Variants in CFLAR observed in about 807,000 individuals in gnomAD.
The protein encoded by CFLAR is CASP8 and FADD-like apoptosis regulator.
In CFLAR, 14 loss-of-function variants were observed where a neutral mutation model predicts 51.1. The observed-to-expected ratio is 0.27, with a 90% CI of 0.18 to 0.43. The LOEUF (loss-of-function observed/expected upper bound fraction) is 0.43, where lower values mean the gene tolerates loss of function less well. Among genes scored for constraint, CFLAR ranks in the 20% least tolerant of loss-of-function variants. CFLAR has a pLI of 1.00. For missense variants in CFLAR, 390 were observed against 566.5 expected (o/e 0.69, Z 3.16); for synonymous variants, 210 against 211.6 (o/e 0.99, Z 0.06).
At chr2:201,156,069 G>A (rs1352336705) in intron 8 of CFLAR, among the ~76,000 whole-genome samples, 3 of 152,130 alleles carry the variant, frequency 2.0e-5, no homozygotes, top group Non-Finnish European at 4.4e-5. Context: ...TGTTTTATGC[G>A]TATTTATAAG....
At chr2:201,151,343 TC>T (rs1416325026) in intron 8 of CFLAR, 53 of 152,336 alleles carry the variant, frequency 3.5e-4, no homozygotes, top group African/African-American at 1.3e-3. Flanking sequence ...AGAGGATCGA[TC>T]ATTGTATTTC....
At chr2:201,144,620 T>C (rs544568162) in intron 5 of CFLAR, among the ~76,000 whole-genome samples, 81 of 152,298 alleles carry the variant, frequency 5.3e-4, no homozygotes, top group African/African-American at 1.9e-3. Flanking sequence ...AGCTAATAAG[T>C]GGCAGAATTA....
At chr2:201,125,812 TTA>T (rs1477569309) in intron 1 of CFLAR, among the ~76,000 whole-genome samples, 1 of 152,124 alleles carries the variant, frequency 6.6e-6, no homozygotes, top group Non-Finnish European at 1.5e-5. Context: ...TCAGATTGTG[TTA>T]TCTCTTCTCC....
chr2:201,166,419 C>T lies in CFLAR; in HGVS notation c.*2446C>T, dbSNP rs571135902. 19 of 158,762 alleles carry T rather than the reference C, an allele frequency of 1.2e-4. 2 individuals carry two copies. Among genetic ancestry groups the T allele is most frequent in the Middle Eastern group, 3.0e-3 (1 of 332 alleles). The allele number at this position is 158,762 out of a possible 1,614,324, so 9.8% of individuals were successfully genotyped here. A position where few individuals can be genotyped will look rare whatever the true frequency, so the allele number is the denominator to read the frequency against. On this transcript the variant is annotated 3_prime_UTR_variant, in exon 10 of 10. Coordinates refer to ENST00000309955, the MANE Select transcript of CFLAR (RefSeq NM_003879.7). ...ACTTCTCAGACGGGGCAGCTGCGGG[C>T]GGAGGGGCTCCTCACTTCTCAGACG...
In CFLAR at chr2:201,124,578, G is replaced by C. The variant is rs1042897617; in HGVS notation, c.-137-5151G>C. Among the ~76,000 whole-genome samples, 2 of 152,090 alleles carry C rather than the reference G, an allele frequency of 1.3e-5. No homozygotes were observed. The highest frequency in any genetic ancestry group is 1.5e-5 in the Non-Finnish European group (1 of 68,014). ...TTGAACTCCTTGCCTCAAGTGATCC[G>C]CCCGCCTTGGCCTCCCAAAGTGCTG... On this transcript the variant is annotated intron_variant, in intron 1 of 9. Transcript: ENST00000309955. This position sits in a 1 kb window ranked among gnomAD's most constrained non-coding sequence, Gnocchi z 4.7.
chr2:201,168,711 GA>G lies in CFLAR; in HGVS notation c.*4742del, dbSNP rs2125982130. The G allele has an allele frequency of 6.6e-6, 1 of 152,212 alleles. No individual in the cohort carries two copies. Among genetic ancestry groups the G allele is most frequent in the East Asian group, 1.9e-4 (1 of 5,190 alleles). 9.4% of individuals were successfully genotyped at this position (152,212 alleles called of 1,614,324 possible). ...TGCAGATGACATGATACTATATCTA[GA>G]AAACCCCATTATCTCCACCCAAAAG... On this transcript the variant is annotated 3_prime_UTR_variant, in exon 10 of 10. Coordinates refer to ENST00000309955, the MANE Select transcript of CFLAR (RefSeq NM_003879.7).
intron 3 of CFLAR, 77 bp downstream of exon 3, chr2:201,133,211 G>A: frequency 9.2e-7 from 1 of 1,083,408 alleles, no homozygotes; most frequent in Non-Finnish European, 1.4e-6. Context: ...ACAGAGAGAG[G>A]GAAGCAGGCA....
chr2:201,151,309 G>C (rs1392471913), intron 8 of CFLAR: 3 of 152,156 alleles, frequency 2.0e-5, no homozygotes, highest in Non-Finnish European at 4.4e-5. Flanking sequence ...ATGACATTCT[G>C]TTTAATTATT....
At chr2:201,123,185 A>G (rs1401497171) in intron 1 of CFLAR, among the ~76,000 whole-genome samples, 1 of 152,124 alleles carries the variant, frequency 6.6e-6, no homozygotes, top group Non-Finnish European at 1.5e-5. Flanking sequence ...TTTCTGATTC[A>G]TTCTCATTTT....
In CFLAR at chr2:201,164,853, G is replaced by A. The variant is rs1443494515; in HGVS notation, c.*880G>A. ...GGCTGGGAAATCCAACATCTAAGTG[G>A]TAGCATATCTGGTGTCTGGTAAGGC... On this transcript the variant is annotated 3_prime_UTR_variant, in exon 10 of 10. Coordinates refer to ENST00000309955, the MANE Select transcript of CFLAR (RefSeq NM_003879.7). 1.3e-5 allele frequency: 2 copies of A among 152,156 alleles called. No individual in the cohort carries two copies. The highest frequency in any genetic ancestry group is 2.9e-5 in the Non-Finnish European group (2 of 68,036). 9.4% of individuals were successfully genotyped at this position (152,156 alleles called of 1,614,324 possible). A position where few individuals can be genotyped will look rare whatever the true frequency, so the allele number is the denominator to read the frequency against.
rs2050395448 is a variant in CFLAR, at chr2:201,138,137, T to C, written c.523+2030T>C. 1.2e-6 allele frequency: 1 copy of C among 803,560 alleles called. No individual in the cohort carries two copies. Among genetic ancestry groups the C allele is most frequent in the Admixed American group, 1.7e-5 (1 of 58,332 alleles). 49.8% of individuals were successfully genotyped at this position (803,560 alleles called of 1,614,324 possible). On this transcript the variant is annotated intron_variant, in intron 4 of 9. Coordinates refer to ENST00000309955, the MANE Select transcript of CFLAR (RefSeq NM_003879.7). The surrounding 1 kb of genome is among the most constrained non-coding windows in gnomAD (Gnocchi z 4.0). The stretch of plus-strand genomic sequence containing the variant: ...ACCAGCGTCAATCAGGTTGTTGGCC[T>C]GGGCTGCTGTCACCACGTTCCCCCC...
rs757118255 is a variant in CFLAR at position 201,164,696 on chromosome 2, C to T, written c.*723C>T. Reference sequence around the variant, plus strand: ...TTGGCAGCACCCTCACAGATGTACCCGGGAACACTTTGCATCCTTCTATTC... The same window carrying T: ...TTGGCAGCACCCTCACAGATGTACCTGGGAACACTTTGCATCCTTCTATTC... On this transcript the variant is annotated 3_prime_UTR_variant, in exon 10 of 10. Transcript: ENST00000309955. 6.6e-6 allele frequency: 1 copy of T among 152,144 alleles called. No homozygotes were observed. The highest frequency in any genetic ancestry group is 2.4e-5 in the African/African-American group (1 of 41,412). 9.4% of individuals were successfully genotyped at this position (152,144 alleles called of 1,614,324 possible). A position where few individuals can be genotyped will look rare whatever the true frequency, so the allele number is the denominator to read the frequency against.
In CFLAR at chr2:201,172,334, T is replaced by C. The variant is rs1366853326; in HGVS notation, c.*8361T>C. The C allele has an allele frequency of 1.1e-4, 16 of 152,208 alleles. 1 individual carries two copies. The highest frequency in any genetic ancestry group is 1.0e-3 in the Admixed American group (16 of 15,280). 9.4% of individuals were successfully genotyped at this position (152,208 alleles called of 1,614,324 possible). On this transcript the variant is annotated 3_prime_UTR_variant, in exon 10 of 10. Transcript: ENST00000309955. ...TGAACGTGATGTAAACTATTGTTGA[T>C]ATAGTTTTTATATTGGAAGTGTAAG...
At chr2:201,147,169 T>C (rs1258975651) in intron 6 of CFLAR, among the ~76,000 whole-genome samples, 1 of 152,208 alleles carries the variant, frequency 6.6e-6, no homozygotes, top group Non-Finnish European at 1.5e-5. Context: ...CAAATATCCC[T>C]ATGATCCTGT....
In CFLAR at chr2:201,174,433, G is replaced by A. The variant is rs993092810; in HGVS notation, c.*10460G>A. ...AACTAACTATAAGGGTTTATTTCTG[G>A]ACTCAATTCTGTTGCTCTATCTTAT... On this transcript the variant is annotated 3_prime_UTR_variant, in exon 10 of 10. Coordinates refer to ENST00000309955, the MANE Select transcript of CFLAR (RefSeq NM_003879.7). 6.6e-6 allele frequency: 1 copy of A among 152,066 alleles called. No individual in the cohort carries two copies. The highest frequency in any genetic ancestry group is 1.5e-5 in the Non-Finnish European group (1 of 68,006). The allele number at this position is 152,066 out of a possible 1,614,324, so 9.4% of individuals were successfully genotyped here.
rs562588659 is a variant in CFLAR, at chr2:201,172,732, T to G, written c.*8759T>G. On this transcript the variant is annotated 3_prime_UTR_variant, in exon 10 of 10. Coordinates refer to ENST00000309955, the MANE Select transcript of CFLAR (RefSeq NM_003879.7). ...CTATGCTATAGAGTGTACCAGTGCT[T>G]CATTACATTTTATGGCTGAATAATA... is the stretch of plus-strand genomic sequence containing the variant. The G allele has an allele frequency of 2.0e-5, 3 of 152,374 alleles. No homozygotes were observed. The South Asian group carries it at 6.2e-4, about 32-fold the overall frequency. The allele number at this position is 152,374 out of a possible 1,614,324, so 9.4% of individuals were successfully genotyped here.
At chr2:201,159,009 C>A (rs889309001) in intron 8 of CFLAR, among the ~76,000 whole-genome samples, 1 of 151,664 alleles carries the variant, frequency 6.6e-6, no homozygotes, top group Non-Finnish European at 1.5e-5. Context: ...TCCCTAGTAG[C>A]TGGGATTACA....
At chr2:201,132,201 G>A (rs1056955852) in intron 2 of CFLAR, among the ~76,000 whole-genome samples, 4 of 151,956 alleles carry the variant, frequency 2.6e-5, no homozygotes, top group African/African-American at 9.7e-5. Context: ...AGGAGTGCTA[G>A]ATTTATTTAT....
intron 7 of CFLAR, 78 bp from the exon 8 acceptor site, chr2:201,149,676 A>C: frequency 3.7e-6 from 4 of 1,080,386 alleles, no homozygotes; most frequent in Non-Finnish European, 4.2e-6. Context: ...ATCCAAAAGA[A>C]GAGATGGTAT....
Sources: gnomAD v4.1 joint callset for allele counts (sites outside exome capture counted in the v4.1 genomes callset) on GRCh38, gnomAD v4.1.1 for gene constraint, Gnocchi (gnomAD v3.1) non-coding constraint, MANE v1.5 for transcripts, NCBI Gene and HGNC (gene_info 2026-07-23, HGNC 2026-07-21) for gene names.